Variants in MSRA observed in about 807,000 individuals in gnomAD.
MSRA encodes mitochondrial peptide methionine sulfoxide reductase.
MSRA carries 54 observed loss-of-function variants against 31.3 expected under a neutral mutation model. The observed-to-expected ratio is 1.73, with a 90% confidence interval of 1.39 to 2.17. MSRA has a LOEUF of 2.17. Ranked by LOEUF, MSRA falls within the 30% of genes most tolerant of loss-of-function variation. MSRA has a pLI of 0.00. For synonymous variants in MSRA, 169 were observed against 116.5 expected (o/e 1.45, Z -2.90); for missense variants, 507 against 300.9 (o/e 1.69, Z -5.07).
chr8:10,325,336 C>T (rs186013629), intron 5 of MSRA, among the ~76,000 whole-genome samples: 29 of 151,902 alleles, frequency 1.9e-4, no homozygotes, highest in Admixed American at 7.2e-4. Flanking sequence ...ATGTATAATA[C>T]GTATATCTAT....
intron 5 of MSRA, among the ~76,000 whole-genome samples, chr8:10,347,343 A>C (rs375735003): frequency 1.3e-5 from 2 of 152,146 alleles, no homozygotes; most frequent in East Asian, 3.9e-4. Flanking sequence ...GCAACTGGAT[A>C]TTCCACTTGC....
In MSRA at chr8:10,353,732, G is replaced by A. The variant is rs895810959; in HGVS notation, c.543+33743G>A. On this transcript the variant is annotated intron_variant, in intron 5 of 5. Coordinates refer to ENST00000317173, the MANE Select transcript of MSRA (RefSeq NM_012331.5). Reference sequence around the variant, plus strand: ...TACCTGCCCACTGCCACCTGTCTACGTCCTGAGATACCCAGCAGAGGACAG... The same window carrying A: ...TACCTGCCCACTGCCACCTGTCTACATCCTGAGATACCCAGCAGAGGACAG... 1.6e-4 allele frequency: 73 copies of A among 443,904 alleles called. 1 individual carries two copies. Among genetic ancestry groups the A allele is most frequent in the Admixed American group, 1.1e-3 (44 of 41,006 alleles). The allele number at this position is 443,904 out of a possible 1,614,324, so 27.5% of individuals were successfully genotyped here.
intron 1 of MSRA, among the ~76,000 whole-genome samples, chr8:10,129,280 C>A (rs763017314): frequency 6.6e-6 from 1 of 152,114 alleles, no homozygotes; most frequent in African/African-American, 2.4e-5. Flanking sequence ...ATCGTAAAGG[C>A]AAGGATGTAA....
intron 1 of MSRA, among the ~76,000 whole-genome samples, chr8:10,094,177 C>G (rs749909305): frequency 2.6e-5 from 4 of 152,174 alleles, no homozygotes; most frequent in Non-Finnish European, 4.4e-5. Flanking sequence ...CTTGTGATAT[C>G]TCTGTAGCAT....
chr8:10,153,217 A>G (rs1585044388), intron 1 of MSRA, among the ~76,000 whole-genome samples: 1 of 152,354 alleles, frequency 6.6e-6, no homozygotes, highest in East Asian at 1.9e-4. Context: ...GATAGACAGC[A>G]GATGGCTGAG....
chr8:10,125,609 G>A (rs1273804595), intron 1 of MSRA, among the ~76,000 whole-genome samples: 1 of 152,180 alleles, frequency 6.6e-6, no homozygotes, highest in Non-Finnish European at 1.5e-5. Flanking sequence ...ACCTGATCCT[G>A]CAGGTATAGC....
At chr8:10,410,052 C>G (rs1201067933) in intron 5 of MSRA, among the ~76,000 whole-genome samples, 2 of 152,162 alleles carry the variant, frequency 1.3e-5, no homozygotes, top group Non-Finnish European at 2.9e-5. Flanking sequence ...AGAGCAAGAC[C>G]TTGTCTATTA....
At chr8:10,290,828 G>C (rs576350783) in intron 3 of MSRA, among the ~76,000 whole-genome samples, 1 of 152,270 alleles carries the variant, frequency 6.6e-6, no homozygotes, top group South Asian at 2.1e-4. Context: ...AAACTGCATT[G>C]GTTCTCTTGG....
chr8:10,212,571 AC>A (rs879692957), intron 2 of MSRA, among the ~76,000 whole-genome samples: 1 of 152,222 alleles, frequency 6.6e-6, no homozygotes, highest in Non-Finnish European at 1.5e-5. Flanking sequence ...TTCCTGAATA[AC>A]TTCAGTTTGA....
intron 3 of MSRA, among the ~76,000 whole-genome samples, chr8:10,286,771 C>T (rs1314630129): frequency 1.3e-5 from 2 of 152,230 alleles, no homozygotes; most frequent in African/African-American, 4.8e-5. Context: ...AGATTGAAGG[C>T]TCACATGTAT....
At chr8:10,380,376 A>G (rs1805993542) in intron 5 of MSRA, among the ~76,000 whole-genome samples, 1 of 152,216 alleles carries the variant, frequency 6.6e-6, no homozygotes. Flanking sequence ...CCTTCCCTGC[A>G]CTGTATTTGG....
chr8:10,134,462 G>T (rs1802121967), intron 1 of MSRA, among the ~76,000 whole-genome samples: 1 of 152,216 alleles, frequency 6.6e-6, no homozygotes, highest in Middle Eastern at 3.2e-3. Context: ...CCCTGTGCCG[G>T]TGTTGCTCCC....
At chr8:10,380,465 A>T (rs1417399402) in intron 5 of MSRA, among the ~76,000 whole-genome samples, 1 of 152,140 alleles carries the variant, frequency 6.6e-6, no homozygotes, top group Non-Finnish European at 1.5e-5. Context: ...TCTTTCTTTA[A>T]GGCTATTCCA....
chr8:10,074,231 C>A (rs947756563), intron 1 of MSRA, among the ~76,000 whole-genome samples: 2 of 151,420 alleles, frequency 1.3e-5, no homozygotes, highest in Non-Finnish European at 2.9e-5. Context: ...TACATGCACC[C>A]GCCACCATGC....
intron 5 of MSRA, among the ~76,000 whole-genome samples, chr8:10,370,056 C>G (rs1805390945): frequency 6.6e-6 from 1 of 152,176 alleles, no homozygotes; most frequent in South Asian, 2.1e-4. Context: ...CCTTTATAAA[C>G]TTTTGTTTTG....
rs79627392 is a variant in MSRA, at chr8:10,194,264, C to G, written c.143-13569C>G. 2.3e-4 allele frequency among the ~76,000 whole-genome samples: 35 copies of G among 152,270 alleles called. 1 individual carries two copies. The highest frequency in any genetic ancestry group is 3.4e-3 in the Middle Eastern group (1 of 294). ...TTGATCCTCTTAAAATCCTTCCCCC[C>G]CTTAAAAAGAAGATAATTAAGGCTA... On this transcript the variant is annotated intron_variant, in intron 1 of 5. Coordinates refer to ENST00000317173, the MANE Select transcript of MSRA (RefSeq NM_012331.5).
chr8:10,209,552 T>A (rs568206659), intron 2 of MSRA, among the ~76,000 whole-genome samples: 1 of 152,262 alleles, frequency 6.6e-6, no homozygotes, highest in African/African-American at 2.4e-5. Context: ...TTTATTTTAT[T>A]TTATTTTGCA....
At chr8:10,359,022 C>T (rs1004353592) in intron 5 of MSRA, among the ~76,000 whole-genome samples, 3 of 152,162 alleles carry the variant, frequency 2.0e-5, no homozygotes, top group African/African-American at 7.2e-5. Flanking sequence ...ATTCCCTTAT[C>T]CCCCCATCCC....
intron 5 of MSRA, among the ~76,000 whole-genome samples, chr8:10,348,352 A>C (rs945115811): frequency 1.2e-5 from 1 of 82,582 alleles, no homozygotes; most frequent in African/African-American, 4.7e-5. Context: ...TCCAGAAATT[A>C]TTGCCTTTTT....
Sources: gnomAD v4.1 joint callset for allele counts (sites outside exome capture counted in the v4.1 genomes callset) on GRCh38, gnomAD v4.1.1 for gene constraint, MANE v1.5 for transcripts, NCBI Gene and HGNC (gene_info 2026-07-23, HGNC 2026-07-21) for gene names.